TRA2B: variants seen among roughly 807,000 people sequenced by gnomAD.
The protein encoded by TRA2B is transformer-2 protein homolog beta.
A neutral mutation model predicts 41.7 loss-of-function variants in TRA2B; 14 were observed. The ratio of observed to expected loss-of-function variants is 0.34; its 90% CI spans 0.22 to 0.53. The LOEUF (loss-of-function observed/expected upper bound fraction) is 0.53. Among genes scored for constraint, TRA2B ranks in the 20% least tolerant of loss-of-function variants. TRA2B has a pLI of 0.95. For missense variants in TRA2B, 167 were observed against 396.8 expected, an observed-to-expected ratio of 0.42 and a Z score of 4.92; for synonymous variants, 130 against 128.8, an observed-to-expected ratio of 1.01 and a Z score of -0.06.
chr3:185,922,081 T>G lies in TRA2B; in HGVS notation c.568A>C (p.Arg190=). 1.2e-6 allele frequency: 2 copies of G among 1,613,992 alleles called. No individual in the cohort carries two copies. Among genetic ancestry groups the G allele is most frequent in the Non-Finnish European group, 1.7e-6 (2 of 1,179,934 alleles). ...NGMELDGRRI[R]VDFSITKRPH... ...CTTTTTGTTATAGAGAAATCAACTC[T>G]GATCCTACGCCCATCAAGCTCCATT... Residue 190 remains arginine, a synonymous_variant, in exon 5 of 9, where the codon AGA becomes CGA. Coordinates refer to ENST00000453386, the MANE Select transcript of TRA2B (RefSeq NM_004593.3).
intron 6 of TRA2B, among the ~76,000 whole-genome samples, chr3:185,920,280 T>G (rs1434091571): frequency 6.6e-6 from 1 of 152,244 alleles, no homozygotes; most frequent in East Asian, 1.9e-4. Flanking sequence ...AAGTGTTGGC[T>G]TTCCAAAATG....
In TRA2B at chr3:185,916,996, T is replaced by C. The variant is rs1424170636; in HGVS notation, c.*719A>G. The C allele has an allele frequency of 6.6e-6, 1 of 152,600 alleles. No individual in the cohort carries two copies. Among genetic ancestry groups the C allele is most frequent in the African/African-American group, 2.4e-5 (1 of 41,440 alleles). The allele number at this position is 152,600 out of a possible 1,614,324, so 9.5% of individuals were successfully genotyped here. A position where few individuals can be genotyped will look rare whatever the true frequency, so the allele number is the denominator to read the frequency against. On this transcript the variant is annotated 3_prime_UTR_variant, in exon 9 of 9. Transcript: ENST00000453386. Reference sequence around the variant, plus strand: ...TGTATTGTCACTTGCTGATAACTAGTTGAAATACCATTATCCCCTTGTAAC... The same window carrying C: ...TGTATTGTCACTTGCTGATAACTAGCTGAAATACCATTATCCCCTTGTAAC...
intron 1 of TRA2B, among the ~76,000 whole-genome samples, chr3:185,933,106 C>T (rs1474522998): frequency 6.6e-6 from 1 of 152,104 alleles, no homozygotes; most frequent in East Asian, 1.9e-4. Context: ...TCTGGCAGCA[C>T]AAATGTAATC....
intron 1 of TRA2B, among the ~76,000 whole-genome samples, chr3:185,934,254 T>C (rs997698254): frequency 6.6e-6 from 1 of 152,082 alleles, no homozygotes; most frequent in Non-Finnish European, 1.5e-5. Context: ...TACACAGCTG[T>C]AGCTCTGCCC....
chr3:185,937,953 G>T lies in TRA2B; in HGVS notation c.-93C>A. ...AGGAGGCTCCGCCGCAGCCCCGCAC[G>T]ACGCGCCGGTCGCCCAGCCGCTCAG... On this transcript the variant is annotated 5_prime_UTR_variant, in exon 1 of 9. Transcript: ENST00000453386. 2 of 1,506,238 alleles carry T rather than the reference G, an allele frequency of 1.3e-6. No homozygotes were observed. Among genetic ancestry groups the T allele is most frequent in the Non-Finnish European group, 1.8e-6 (2 of 1,098,906 alleles). 93.3% of individuals were successfully genotyped at this position (1,506,238 alleles called of 1,614,324 possible).
At chr3:185,923,675 G>A in intron 4 of TRA2B, 121 bp downstream of exon 4, 1 of 909,294 alleles carries the variant, frequency 1.1e-6, no homozygotes. Flanking sequence ...TCCACAAGAG[G>A]TTGGAGAAAA....
intron 3 of TRA2B, 149 bp downstream of exon 3, chr3:185,925,310 ATTAAC>A: frequency 3.5e-6 from 3 of 849,844 alleles, no homozygotes; most frequent in Non-Finnish European, 5.2e-6. Flanking sequence ...GTCATGGAAG[ATTAAC>A]TTAAAAGACT....
chr3:185,936,371 A>G, intron 1 of TRA2B: 6 of 985,382 alleles, frequency 6.1e-6, no homozygotes, highest in African/African-American at 1.7e-5. Context: ...AAAAAATCTA[A>G]AACACTCGTG....
rs1553777054 is a variant in TRA2B, at chr3:185,936,687, TTA to T, written c.36+1136_36+1137del. 30 of 982,652 alleles carry T rather than the reference TTA, an allele frequency of 3.1e-5. No homozygotes were observed. In the African/African-American group the frequency reaches 4.1e-4, roughly 13 times the overall value. The allele number at this position is 982,652 out of a possible 1,614,324, so 60.9% of individuals were successfully genotyped here. On this transcript the variant is annotated intron_variant, in intron 1 of 8. Transcript: ENST00000453386. ...TTAGGTAACAAATTGTTTTTTTTTTTTAAAAAAGCACAAATTATTCCCACAGC... is the reference window on the plus strand; with the variant it reads ...TTAGGTAACAAATTGTTTTTTTTTTTAAAAAGCACAAATTATTCCCACAGC...
chr3:185,935,869 T>G lies in TRA2B; in HGVS notation c.36+1956A>C, dbSNP rs1045348503. The G allele has an allele frequency of 9.1e-6, 9 of 985,238 alleles. No homozygotes were observed. The African/African-American group carries it at 1.4e-4, about 15-fold the overall frequency. 61.0% of individuals were successfully genotyped at this position (985,238 alleles called of 1,614,324 possible). A position where few individuals can be genotyped will look rare whatever the true frequency, so the allele number is the denominator to read the frequency against. ...TTCACAACGTAAAAGTTTAGAGATC[T>G]CGGCCAGAAAGCGAAGACTCTTATG... is the stretch of plus-strand genomic sequence containing the variant. On this transcript the variant is annotated intron_variant, in intron 1 of 8. Coordinates refer to ENST00000453386, the MANE Select transcript of TRA2B (RefSeq NM_004593.3).
chr3:185,923,088 C>G (rs956974661), intron 4 of TRA2B: 2 of 152,430 alleles, frequency 1.3e-5, no homozygotes, highest in East Asian at 3.9e-4. Context: ...TCGAGACCAC[C>G]CTGACCCAAC....
At position 185,938,005 on chromosome 3, in the gene TRA2B, C is replaced by T. The variant is rs867294521; in HGVS notation, c.-145G>A. Reference sequence around the variant, plus strand: ...GCCGAAATGCTCCGCACCGCCTCCGCACGGGCTCTAACTCTACCGGATGTG... The same window carrying T: ...GCCGAAATGCTCCGCACCGCCTCCGTACGGGCTCTAACTCTACCGGATGTG... On this transcript the variant is annotated 5_prime_UTR_variant, in exon 1 of 9. Transcript: ENST00000453386. 4 of 903,706 alleles carry T rather than the reference C, an allele frequency of 4.4e-6. No individual in the cohort carries two copies. In the African/African-American group the frequency reaches 6.6e-5, roughly 15 times the overall value. The allele number at this position is 903,706 out of a possible 1,614,324, so 56.0% of individuals were successfully genotyped here. A position where few individuals can be genotyped will look rare whatever the true frequency, so the allele number is the denominator to read the frequency against.
intron 1 of TRA2B, chr3:185,935,323 T>C: frequency 1.0e-6 from 1 of 984,762 alleles, no homozygotes; most frequent in Non-Finnish European, 1.2e-6. Flanking sequence ...CAGATTTTAG[T>C]GTTAATCTAT....
chr3:185,919,501 G>T lies in TRA2B; in HGVS notation c.723-5C>A, dbSNP rs1743632546. 6.2e-7 allele frequency: 1 copy of T among 1,611,298 alleles called. No homozygotes were observed. The highest frequency in any genetic ancestry group is 8.5e-7 in the Non-Finnish European group (1 of 1,179,050). On this transcript the variant is annotated splice_region_variant and splice_polypyrimidine_tract_variant and intron_variant, in intron 6 of 8. Transcript: ENST00000453386. ...CCTCCTCCTCCACCTCCTCCTCTGT[G>T]AAGACAGAAAGGCAACACAACACGC... is the stretch of plus-strand genomic sequence containing the variant.
At chr3:185,935,403 A>C (rs1744310684) in intron 1 of TRA2B, 1 of 985,304 alleles carries the variant, frequency 1.0e-6, no homozygotes, top group Non-Finnish European at 1.2e-6. Context: ...CAGTTCTTTA[A>C]ATGTCATTAT....
chr3:185,937,926 TAAG>T lies in TRA2B; in HGVS notation c.-69_-67del. ...AGCTGCCAACCTCTTGCACCTTCCTTAAGGAGGCTCCGCCGCAGCCCCGCACGA... is the reference window on the plus strand; with the variant it reads ...AGCTGCCAACCTCTTGCACCTTCCTTGAGGCTCCGCCGCAGCCCCGCACGA... On this transcript the variant is annotated 5_prime_UTR_variant, in exon 1 of 9. Coordinates refer to ENST00000453386, the MANE Select transcript of TRA2B (RefSeq NM_004593.3). The T allele has an allele frequency of 6.3e-7, 1 of 1,597,542 alleles. No homozygotes were observed.
intron 4 of TRA2B, chr3:185,922,379 C>G (rs932252730): frequency 2.0e-5 from 6 of 296,328 alleles, no homozygotes; most frequent in African/African-American, 1.3e-4. Context: ...AGCTCCAAAG[C>G]AGCACACAAT....
chr3:185,931,299 A>G (rs1744146540), intron 1 of TRA2B, among the ~76,000 whole-genome samples: 1 of 152,206 alleles, frequency 6.6e-6, no homozygotes, highest in Non-Finnish European at 1.5e-5. Flanking sequence ...CCCCAGGACC[A>G]GCAACATTAG....
At chr3:185,936,239 T>C in intron 1 of TRA2B, 2 of 985,382 alleles carry the variant, frequency 2.0e-6, no homozygotes, top group South Asian at 4.7e-5. Flanking sequence ...ATCGCTTACT[T>C]TGCAGTCCAA....
Sources: allele counts gnomAD v4.1 joint callset (sites outside exome capture counted in the v4.1 genomes callset), GRCh38; gene constraint gnomAD v4.1.1; transcripts MANE v1.5; gene names NCBI Gene and HGNC (gene_info 2026-07-23, HGNC 2026-07-21).